Variants in TNRC18 observed in about 807,000 individuals in gnomAD.
TNRC18 encodes the protein trinucleotide repeat containing 18.
Under a neutral mutation model 226.7 loss-of-function variants are expected in TNRC18, and 69 were observed. That is an observed-to-expected ratio of 0.30 (90% CI 0.25 to 0.37). TNRC18 has a LOEUF of 0.37. Ranked by LOEUF, TNRC18 falls within the 10% of genes least tolerant of loss-of-function variation. TNRC18 has a pLI of 1.00. For missense variants in TNRC18, 4,754 were observed against 4,256.6 expected, an observed-to-expected ratio of 1.12 and a Z score of -3.25; for synonymous variants, 2,449 against 1,927.6, an observed-to-expected ratio of 1.27 and a Z score of -7.09.
chr7:5,328,504 G>A (rs1306693134), intron 19 of TNRC18, among the ~76,000 whole-genome samples: 3 of 131,798 alleles, frequency 2.3e-5, no homozygotes, highest in Admixed American at 8.0e-5. Context: ...CACCTTCCCC[G>A]CCGCCGCCTT....
chr7:5,394,151 G>C lies in TNRC18; in HGVS notation c.343+289C>G, dbSNP rs531754236. On this transcript the variant is annotated intron_variant, in intron 3 of 29. Transcript: ENST00000430969. This position sits in a 1 kb window ranked among gnomAD's most constrained non-coding sequence, Gnocchi z 4.5. ...AGATAATCTGTCGTCACAAGCAAGT[G>C]ATGGAAGTGGGTGCGGAAGAGGGGG... is the stretch of plus-strand genomic sequence containing the variant. Among the ~76,000 whole-genome samples, 304 of 152,350 alleles carry C rather than the reference G, an allele frequency of 2.0e-3. No homozygotes were observed. Among genetic ancestry groups the C allele is most frequent in the African/African-American group, 7.2e-3 (299 of 41,580 alleles).
chr7:5,327,511 T>C (rs1172221690), intron 19 of TNRC18, among the ~76,000 whole-genome samples: 1 of 152,074 alleles, frequency 6.6e-6, no homozygotes, highest in Non-Finnish European at 1.5e-5. Flanking sequence ...TTAGTGGCGC[T>C]GTCCCCTTAT....
intron 21 of TNRC18, among the ~76,000 whole-genome samples, chr7:5,322,669 C>A (rs1479276449): frequency 2.0e-5 from 3 of 152,224 alleles, no homozygotes; most frequent in African/African-American, 7.2e-5. Flanking sequence ...ACGGCGGTCA[C>A]CTCTCATTGC....
At position 5,312,691 on chromosome 7, in the gene TNRC18, T is replaced by C. The variant is rs1787349741; in HGVS notation, c.8200A>G (p.Thr2734Ala). 3 of 1,597,318 alleles carry C rather than the reference T, an allele frequency of 1.9e-6. No individual in the cohort carries two copies. The highest frequency in any genetic ancestry group is 2.6e-6 in the Non-Finnish European group (3 of 1,172,496). Reference sequence around the variant, plus strand: ...TGAGCCTTGGGCTGCAGAGGCTGTGTGGGCTGCGGAGGAGGCGCCTGGGGC... The same window carrying C: ...TGAGCCTTGGGCTGCAGAGGCTGTGCGGGCTGCGGAGGAGGCGCCTGGGGC... ...PQPQAPPPQP[T>A]QPLQPKAQAG... Residue 2734 changes from threonine to alanine, a missense_variant, in exon 27 of 30, where the codon ACA (threonine) becomes GCA (alanine). Thr to Ala is a moderately conservative substitution (Grantham distance 58). Transcript: ENST00000430969. The surrounding 1 kb of genome is among the most constrained non-coding windows in gnomAD (Gnocchi z 6.3).
At chr7:5,341,566 C>G (rs752538387) in intron 18 of TNRC18, among the ~76,000 whole-genome samples, 1 of 151,860 alleles carries the variant, frequency 6.6e-6, no homozygotes, top group Non-Finnish European at 1.5e-5. Flanking sequence ...GAGTTCAAGA[C>G]CAGCTGGGCC....
At chr7:5,389,788 A>C (rs1268480940) in intron 4 of TNRC18, 1 of 153,890 alleles carries the variant, frequency 6.5e-6, no homozygotes, top group East Asian at 1.9e-4. Flanking sequence ...GTTTCGGTGC[A>C]GGGAGCCCCG....
At chr7:5,373,455 A>G (rs1388773818) in intron 10 of TNRC18, among the ~76,000 whole-genome samples, 3 of 152,210 alleles carry the variant, frequency 2.0e-5, no homozygotes, top group Non-Finnish European at 4.4e-5. Flanking sequence ...AAGGAAACTG[A>G]CAAAGGAGAG....
intron 2 of TNRC18, among the ~76,000 whole-genome samples, chr7:5,409,171 G>C (rs1401992393): frequency 2.0e-5 from 3 of 150,512 alleles, no homozygotes; most frequent in African/African-American, 7.3e-5. Context: ...TTAAAGAAGG[G>C]GCACCTGAGA....
At chr7:5,316,714 A>G (rs1787887850) in intron 24 of TNRC18, among the ~76,000 whole-genome samples, 1 of 152,160 alleles carries the variant, frequency 6.6e-6, no homozygotes, top group African/African-American at 2.4e-5. Context: ...GGACACAAAG[A>G]ATGGGAAAGG....
chr7:5,376,950 G>A lies in TNRC18; in HGVS notation c.2505C>T (p.Phe835=). 1 of 1,592,628 alleles carries A rather than the reference G, an allele frequency of 6.3e-7. No individual in the cohort carries two copies. Among genetic ancestry groups the A allele is most frequent in the Non-Finnish European group, 8.5e-7 (1 of 1,169,870 alleles). The change falls in exon 8 of 30, where the codon TTC becomes TTT. Residue 835 remains phenylalanine (F), a synonymous_variant. Coordinates refer to ENST00000430969, the MANE Select transcript of TNRC18 (RefSeq NM_001080495.3). The stretch of plus-strand genomic sequence containing the variant: ...GGAGGGAGCCCCCCAGGCCAGGTGG[G>A]AACGCAGGGGCCATGCCCTGGTGCA... The part of the protein sequence containing the change: ...PSLHQGMAPA[F]PPGLGGSLPS...
At chr7:5,308,786 C>T in intron 29 of TNRC18, 89 bp downstream of exon 29, 4 of 1,411,232 alleles carry the variant, frequency 2.8e-6, no homozygotes, top group Non-Finnish European at 3.9e-6. Context: ...GGGGACAGAG[C>T]AGCAGATGCT....
chr7:5,367,427 G>GT (rs1562558992), intron 11 of TNRC18, among the ~76,000 whole-genome samples: 1 of 150,996 alleles, frequency 6.6e-6, no homozygotes. Context: ...AATGTTTTTT[G>GT]TTTTTTGTTT....
chr7:5,308,362 G>A (rs756102621), intron 29 of TNRC18, 50 bp from the exon 30 acceptor site: 44 of 1,549,158 alleles, frequency 2.8e-5, no homozygotes, highest in Admixed American at 1.1e-4. Context: ...CACAGAGGCC[G>A]AGGGAGCCCC....
chr7:5,382,948 G>A (rs2128187242), intron 5 of TNRC18, among the ~76,000 whole-genome samples: 1 of 152,324 alleles, frequency 6.6e-6, no homozygotes, highest in South Asian at 2.1e-4. Flanking sequence ...CCCAGGTTGG[G>A]GCTCAGTGGT....
intron 21 of TNRC18, 77 bp from the exon 22 acceptor site, chr7:5,321,267 A>C: frequency 9.1e-7 from 1 of 1,096,306 alleles, no homozygotes; most frequent in Non-Finnish European, 1.3e-6. Context: ...GTTACCCCCA[A>C]GTCATCCCCT....
chr7:5,411,674 C>T (rs1781854059), intron 2 of TNRC18, among the ~76,000 whole-genome samples: 1 of 151,958 alleles, frequency 6.6e-6, no homozygotes, highest in Non-Finnish European at 1.5e-5. Context: ...ATGTGCTCTA[C>T]AGAAAGAAGG....
chr7:5,319,180 G>C (rs1392561262), intron 24 of TNRC18, among the ~76,000 whole-genome samples: 1 of 152,158 alleles, frequency 6.6e-6, no homozygotes, highest in Non-Finnish European at 1.5e-5. Context: ...ATAAATGAGT[G>C]ACTAATATGA....
At chr7:5,399,348 G>A (rs1447453923) in intron 2 of TNRC18, among the ~76,000 whole-genome samples, 1 of 152,164 alleles carries the variant, frequency 6.6e-6, no homozygotes, top group African/African-American at 2.4e-5. Flanking sequence ...TCAAGTAACT[G>A]GCTGCCGCCT....
At chr7:5,359,237 A>G (rs1006438507) in intron 15 of TNRC18, among the ~76,000 whole-genome samples, 161 bp downstream of exon 15, 2 of 152,136 alleles carry the variant, frequency 1.3e-5, no homozygotes, top group Non-Finnish European at 2.9e-5. Context: ...CCCTCTGTAC[A>G]ATAAGGAAGA....
Sources: gnomAD v4.1 joint callset for allele counts (sites outside exome capture counted in the v4.1 genomes callset) on GRCh38, gnomAD v4.1.1 for gene constraint, Gnocchi (gnomAD v3.1) non-coding constraint, MANE v1.5 for transcripts, NCBI Gene and HGNC (gene_info 2026-07-23, HGNC 2026-07-21) for gene names.